The following AHCYL2 variants were observed in gnomAD, a reference collection of about 807,000 sequenced individuals.
AHCYL2 encodes the protein S-adenosylhomocysteine hydrolase-like protein 2.
A neutral mutation model predicts 81.4 loss-of-function variants in AHCYL2; 28 were observed. The observed-to-expected ratio is 0.34, with a 90% CI of 0.25 to 0.47. The LOEUF is 0.47. Among genes scored for constraint, AHCYL2 ranks in the 20% least tolerant of loss-of-function variants. The pLI, the probability that AHCYL2 is intolerant of heterozygous loss-of-function variation, is 1.00. For missense variants in AHCYL2, 551 were observed against 785.1 expected (o/e 0.70, Z 3.56); for synonymous variants, 272 against 290.2 (o/e 0.94, Z 0.64).
At chr7:129,246,066 T>G (rs951621358) in intron 1 of AHCYL2, among the ~76,000 whole-genome samples, 1 of 152,064 alleles carries the variant, frequency 6.6e-6, no homozygotes, top group African/African-American at 2.4e-5. Context: ...GGATTTGTTT[T>G]TTTTTTTTTT....
At chr7:129,314,839 C>T (rs1584774217) in intron 1 of AHCYL2, among the ~76,000 whole-genome samples, 1 of 152,280 alleles carries the variant, frequency 6.6e-6, no homozygotes, top group East Asian at 1.9e-4. Context: ...GAATAAGGTT[C>T]TAGAAGCCAC....
intron 1 of AHCYL2, among the ~76,000 whole-genome samples, chr7:129,236,458 C>T (rs960966411): frequency 1.3e-5 from 2 of 152,064 alleles, no homozygotes; most frequent in South Asian, 4.1e-4. Flanking sequence ...GCCTCGGCCT[C>T]CCAAAGTGCT....
intron 1 of AHCYL2, among the ~76,000 whole-genome samples, chr7:129,351,294 C>T (rs1793555151): frequency 6.6e-6 from 1 of 152,090 alleles, no homozygotes; most frequent in African/African-American, 2.4e-5. Flanking sequence ...CTGGAGATAC[C>T]AGCAGGAACA....
rs529575658 is a variant in AHCYL2, at chr7:129,268,047, C to A, written c.363+42608C>A. Reference sequence around the variant, plus strand: ...TTTGACGACTTTTTGGACAAACTTGCTATTTTAGTTCACTCCCTTTTTACT... The same window carrying A: ...TTTGACGACTTTTTGGACAAACTTGATATTTTAGTTCACTCCCTTTTTACT... On this transcript the variant is annotated intron_variant, in intron 1 of 16. Coordinates refer to ENST00000325006, the MANE Select transcript of AHCYL2 (RefSeq NM_015328.4). 9.9e-5 allele frequency among the ~76,000 whole-genome samples: 15 copies of A among 152,036 alleles called. No homozygotes were observed. In the South Asian group the frequency reaches 2.9e-3, roughly 30 times the overall value.
intron 1 of AHCYL2, among the ~76,000 whole-genome samples, chr7:129,338,003 C>T (rs1312888742): frequency 6.6e-6 from 1 of 152,100 alleles, no homozygotes; most frequent in Non-Finnish European, 1.5e-5. Flanking sequence ...CTTGGCCTCC[C>T]AAAGTGTTGG....
chr7:129,338,248 AAGCAATCCTCCTGCCTC>A (rs1478629029), intron 1 of AHCYL2, among the ~76,000 whole-genome samples: 1 of 151,924 alleles, frequency 6.6e-6, no homozygotes, highest in Non-Finnish European at 1.5e-5. Context: ...TCCTTGGCTC[AAGCAATCCTCCTGCCTC>A]AGCCTTCTGA....
intron 1 of AHCYL2, among the ~76,000 whole-genome samples, chr7:129,369,189 C>T (rs1041663520): frequency 2.7e-5 from 4 of 148,606 alleles, no homozygotes; most frequent in African/African-American, 1.0e-4. Flanking sequence ...AGCATATAAA[C>T]CTATTATATT....
intron 1 of AHCYL2, among the ~76,000 whole-genome samples, chr7:129,293,040 A>G (rs929012012): frequency 2.0e-5 from 3 of 152,030 alleles, no homozygotes; most frequent in East Asian, 1.9e-4. Context: ...GTCTCAAACT[A>G]CCAGGCCCAA....
At chr7:129,332,749 T>C (rs1798465578) in intron 1 of AHCYL2, among the ~76,000 whole-genome samples, 1 of 152,212 alleles carries the variant, frequency 6.6e-6, no homozygotes, top group East Asian at 1.9e-4. Context: ...GCATTTCTGT[T>C]GCCATGTAAA....
At chr7:129,297,105 A>G (rs1471734015) in intron 1 of AHCYL2, among the ~76,000 whole-genome samples, 2 of 152,242 alleles carry the variant, frequency 1.3e-5, no homozygotes, top group Non-Finnish European at 2.9e-5. Context: ...TAGCCTTGGC[A>G]CATTGTGTGA....
chr7:129,378,280 C>G (rs950887852), intron 1 of AHCYL2, among the ~76,000 whole-genome samples: 5 of 151,766 alleles, frequency 3.3e-5, no homozygotes, highest in African/African-American at 1.2e-4. Context: ...CCACTGCACT[C>G]CAGCCTGGCT....
chr7:129,258,620 C>T (rs1456875358), intron 1 of AHCYL2, among the ~76,000 whole-genome samples: 1 of 149,810 alleles, frequency 6.7e-6, no homozygotes, highest in Non-Finnish European at 1.5e-5. Context: ...GACTGACTTC[C>T]AGAGAGTTCC....
chr7:129,257,501 T>C (rs2718084), intron 1 of AHCYL2, among the ~76,000 whole-genome samples: 103,368 of 152,002 alleles, frequency 0.68, 35,883 homozygotes, highest in Non-Finnish European at 0.75. Context: ...ACCCAGTGCC[T>C]GGTGCATGGT....
intron 1 of AHCYL2, among the ~76,000 whole-genome samples, chr7:129,330,727 CT>C (rs1798391083): frequency 6.6e-6 from 1 of 152,158 alleles, no homozygotes; most frequent in Admixed American, 6.5e-5. Context: ...TCCCAAAGTG[CT>C]GGGATTACAG....
In AHCYL2 at chr7:129,368,565, T is replaced by C. The variant is rs1584832889; in HGVS notation, c.364-11073T>C. The C allele has an allele frequency of 6.2e-7, 1 of 1,613,688 alleles. No homozygotes were observed. The highest frequency in any genetic ancestry group is 8.5e-7 in the Non-Finnish European group (1 of 1,179,754). ...CCTGAGTGGATGGTGAGTTCACTGG[T>C]CGTTTTGTTTCTCCTTCTGTTTCTT... On this transcript the variant is annotated intron_variant, in intron 1 of 16. Coordinates refer to ENST00000325006, the MANE Select transcript of AHCYL2 (RefSeq NM_015328.4). The surrounding 1 kb of genome is among the most constrained non-coding windows in gnomAD (Gnocchi z 4.4).
intron 1 of AHCYL2, among the ~76,000 whole-genome samples, chr7:129,235,829 A>G (rs935235919): frequency 6.6e-6 from 1 of 152,110 alleles, no homozygotes. Flanking sequence ...TAACTGCTCA[A>G]TTAATTTCCT....
intron 1 of AHCYL2, among the ~76,000 whole-genome samples, chr7:129,287,899 A>G (rs1796692908): frequency 6.6e-6 from 1 of 152,216 alleles, no homozygotes; most frequent in Admixed American, 6.5e-5. Flanking sequence ...TGTTTCACAT[A>G]TAGCCCTGTC....
Position 129,426,331 on chromosome 7 carries a change from A to G in AHCYL2, c.1709-112A>G, listed in dbSNP as rs1797364723. The stretch of plus-strand genomic sequence containing the variant: ...AGCGAAGGTTGAACATTTTTCATTC[A>G]GCTCCAGGAATTAGAAGGTGTCTTT... On this transcript the variant is annotated intron_variant, in intron 15 of 16. Coordinates refer to ENST00000325006, the MANE Select transcript of AHCYL2 (RefSeq NM_015328.4). This position sits in a 1 kb window ranked among gnomAD's most constrained non-coding sequence, Gnocchi z 4.3. The G allele has an allele frequency of 4.6e-6, 7 of 1,521,088 alleles. No individual in the cohort carries two copies. In the East Asian group the frequency reaches 1.6e-4, roughly 34 times the overall value. The allele number at this position is 1,521,088 out of a possible 1,614,324, so 94.2% of individuals were successfully genotyped here.
At chr7:129,258,257 GAA>G (rs34015816) in intron 1 of AHCYL2, among the ~76,000 whole-genome samples, 1 of 140,640 alleles carries the variant, frequency 7.1e-6, no homozygotes, top group Non-Finnish European at 1.5e-5. Context: ...CCTTTAAAAG[GAA>G]AAAAAAAAAG....
Sources: allele counts gnomAD v4.1 joint callset (sites outside exome capture counted in the v4.1 genomes callset), GRCh38; gene constraint gnomAD v4.1.1; non-coding constraint Gnocchi (gnomAD v3.1); transcripts MANE v1.5; gene names NCBI Gene and HGNC (gene_info 2026-07-23, HGNC 2026-07-21).